The following JAZF1 variants were observed in gnomAD, a reference collection of about 807,000 sequenced individuals.
The protein encoded by JAZF1 is JAZF zinc finger 1, also known as juxtaposed with another zinc finger protein 1.
JAZF1 carries 8 observed loss-of-function variants against 26.4 expected under a neutral mutation model. The observed-to-expected ratio is 0.30, with a 90% CI of 0.18 to 0.55. The LOEUF is 0.55. Among genes scored for constraint, JAZF1 ranks in the 20% least tolerant of loss-of-function variants. JAZF1 has a pLI of 0.94. For missense variants in JAZF1, 199 were observed against 322.0 expected, an observed-to-expected ratio of 0.62 and a Z score of 2.92; for synonymous variants, 126 against 122.3, an observed-to-expected ratio of 1.03 and a Z score of -0.20.
At chr7:28,147,318 A>T (rs984166278) in intron 1 of JAZF1, among the ~76,000 whole-genome samples, 1 of 152,096 alleles carries the variant, frequency 6.6e-6, no homozygotes, top group African/African-American at 2.4e-5. Context: ...AGATTTTCCA[A>T]TCTGGGATGC....
At chr7:28,081,256 G>A (rs573045214) in intron 1 of JAZF1, among the ~76,000 whole-genome samples, 15 of 152,252 alleles carry the variant, frequency 9.9e-5, no homozygotes, top group African/African-American at 2.6e-4. Flanking sequence ...CCTCCCCAAG[G>A]AAATCACATA....
intron 1 of JAZF1, among the ~76,000 whole-genome samples, chr7:28,016,870 A>G (rs1782902584): frequency 6.6e-6 from 1 of 152,232 alleles, no homozygotes; most frequent in Non-Finnish European, 1.5e-5. Flanking sequence ...GGCACTAGAA[A>G]TATGGCAGTG....
At chr7:27,924,222 C>T (rs142076687) in intron 2 of JAZF1, among the ~76,000 whole-genome samples, 11 of 152,256 alleles carry the variant, frequency 7.2e-5, no homozygotes, top group African/African-American at 1.2e-4. Flanking sequence ...GAATTACAGG[C>T]GCCCGCCACC....
At chr7:27,907,306 C>T (rs908506267) in intron 2 of JAZF1, among the ~76,000 whole-genome samples, 3 of 152,166 alleles carry the variant, frequency 2.0e-5, no homozygotes, top group Non-Finnish European at 2.9e-5. Context: ...CCACATAATA[C>T]TCAATATATG....
intron 1 of JAZF1, among the ~76,000 whole-genome samples, chr7:28,176,584 G>T (rs1282064787): frequency 1.3e-5 from 2 of 152,054 alleles, no homozygotes; most frequent in Non-Finnish European, 2.9e-5. Flanking sequence ...TACCTCAATT[G>T]TTTATTGTCT....
intron 1 of JAZF1, among the ~76,000 whole-genome samples, chr7:28,048,374 A>C (rs933431403): frequency 9.2e-5 from 14 of 152,174 alleles, no homozygotes; most frequent in Non-Finnish European, 1.5e-5. Flanking sequence ...CTGGACTTAC[A>C]GCTATTACTT....
At chr7:27,863,836 G>C (rs1231349551) in intron 3 of JAZF1, 1 of 152,184 alleles carries the variant, frequency 6.6e-6, no homozygotes, top group Non-Finnish European at 1.5e-5. Flanking sequence ...ACACAAAAAC[G>C]TCACCTACCT....
At chr7:28,042,017 A>T (rs1324585699) in intron 1 of JAZF1, among the ~76,000 whole-genome samples, 1 of 152,216 alleles carries the variant, frequency 6.6e-6, no homozygotes, top group Non-Finnish European at 1.5e-5. Context: ...ACCCAAGGAA[A>T]ATAAAGCCCT....
chr7:27,989,719 C>G (rs376472980), intron 2 of JAZF1, among the ~76,000 whole-genome samples: 2 of 152,178 alleles, frequency 1.3e-5, no homozygotes, highest in African/African-American at 4.8e-5. Context: ...AAATGCAAAT[C>G]AAAACCACAA....
intron 3 of JAZF1, among the ~76,000 whole-genome samples, chr7:27,863,084 A>G (rs1414437898): frequency 6.6e-6 from 1 of 152,208 alleles, no homozygotes; most frequent in African/African-American, 2.4e-5. Context: ...CTTTAGGATC[A>G]TGAATTCACT....
chr7:27,952,124 G>C (rs950089818), intron 2 of JAZF1, among the ~76,000 whole-genome samples: 1 of 152,160 alleles, frequency 6.6e-6, no homozygotes, highest in East Asian at 1.9e-4. Context: ...TTCACTTCCA[G>C]GGACATAATG....
rs558371920 is a variant in JAZF1, at chr7:27,976,268, C to G, written c.188+15641G>C. 2.9e-3 allele frequency among the ~76,000 whole-genome samples: 426 copies of G among 147,190 alleles called. 2 individuals carry two copies. Among genetic ancestry groups the G allele is most frequent in the African/African-American group, 0.01 (398 of 39,698 alleles). On this transcript the variant is annotated intron_variant, in intron 2 of 4. Coordinates refer to ENST00000283928, the MANE Select transcript of JAZF1 (RefSeq NM_175061.4). ...GGCTGAGGCAGGAGAATGGCGCGAA[C>G]CCGGGAGGCGGAGCTTGCAGTGAGC...
intron 2 of JAZF1, among the ~76,000 whole-genome samples, chr7:27,926,938 G>C (rs2128349121): frequency 6.6e-6 from 1 of 152,152 alleles, no homozygotes; most frequent in East Asian, 1.9e-4. Context: ...CTCTTCTTTA[G>C]GGGATTAGAC....
chr7:28,102,518 G>GA (rs1325566897), intron 1 of JAZF1, among the ~76,000 whole-genome samples: 8 of 150,814 alleles, frequency 5.3e-5, no homozygotes, highest in African/African-American at 2.0e-4. Flanking sequence ...CACTATCTGA[G>GA]AAAAAAATAC....
At chr7:28,116,897 C>T (rs2127935768) in intron 1 of JAZF1, among the ~76,000 whole-genome samples, 1 of 152,248 alleles carries the variant, frequency 6.6e-6, no homozygotes, top group East Asian at 1.9e-4. Context: ...GATCTCAGCT[C>T]ACTGCAACCT....
chr7:28,000,822 T>C (rs966884266), intron 1 of JAZF1, among the ~76,000 whole-genome samples: 45 of 152,090 alleles, frequency 3.0e-4, no homozygotes, highest in Middle Eastern at 3.4e-3. Flanking sequence ...TTTCACCATG[T>C]TGGCCAGAGT....
chr7:27,901,596 C>T (rs912772109), intron 2 of JAZF1, among the ~76,000 whole-genome samples: 3 of 152,258 alleles, frequency 2.0e-5, no homozygotes, highest in East Asian at 1.9e-4. Flanking sequence ...ACTGAAGTGA[C>T]CACTTGAAAC....
intron 2 of JAZF1, among the ~76,000 whole-genome samples, chr7:27,909,372 G>A (rs1784319962): frequency 6.7e-6 from 1 of 149,122 alleles, no homozygotes; most frequent in Non-Finnish European, 1.5e-5. Context: ...TGATGATGGT[G>A]ATAATTTAAA....
chr7:28,079,313 T>G (rs761178027), intron 1 of JAZF1, among the ~76,000 whole-genome samples: 10 of 152,128 alleles, frequency 6.6e-5, no homozygotes, highest in Non-Finnish European at 1.3e-4. Context: ...ATTTAAAAGA[T>G]GTACCTCACT....
Sources: gnomAD v4.1 joint callset for allele counts (sites outside exome capture counted in the v4.1 genomes callset) on GRCh38, gnomAD v4.1.1 for gene constraint, MANE v1.5 for transcripts, NCBI Gene and HGNC (gene_info 2026-07-23, HGNC 2026-07-21) for gene names.